PCSK9: variants seen among roughly 807,000 people sequenced by gnomAD.
PCSK9 encodes the protein convertase subtilisin/kexin type 9 preproprotein.
PCSK9 carries 57 observed loss-of-function variants against 62.1 expected under a neutral mutation model. The observed-to-expected ratio is 0.92, with a 90% CI of 0.74 to 1.14. The LOEUF (loss-of-function observed/expected upper bound fraction) is 1.14, where lower values mean the gene tolerates loss of function less well. PCSK9 is among the 50% of genes most tolerant of loss of function. The pLI is 0.00. For synonymous variants in PCSK9, 387 were observed against 409.4 expected (o/e 0.95, Z 0.66); for missense variants, 870 against 959.8 (o/e 0.91, Z 1.24).
chr1:55,056,226 GGGGCGGA>G (rs201349983), intron 6 of PCSK9, 37 bp downstream of exon 6: 448,511 of 605,874 alleles, frequency 0.74, 197,978 homozygotes, highest in Admixed American at 0.84. Flanking sequence ...GCGCGGGTAG[GGGGCGGA>G]GGGCGGAGGG....
At chr1:55,053,562 C>T (rs1052509874) in intron 5 of PCSK9, among the ~76,000 whole-genome samples, 4 of 152,150 alleles carry the variant, frequency 2.6e-5, no homozygotes, top group African/African-American at 4.8e-5. Flanking sequence ...AGCTTGACTT[C>T]CACTGTAAGC....
chr1:55,061,466 C>T lies in PCSK9; in HGVS notation c.1773C>T (p.His591=). The part of the protein sequence containing the change: ...PRGQPNQCVG[H]REASIHASCC... ...GTCAGCCCAACCAGTGCGTGGGCCA[C>T]AGGGAGGCCAGCATCCACGCTTCCT... Residue 591 remains histidine, a synonymous_variant, in exon 11 of 12, where the codon CAC becomes CAT. Coordinates refer to ENST00000302118, the MANE Select transcript of PCSK9 (RefSeq NM_174936.4). 6.2e-7 allele frequency: 1 copy of T among 1,607,310 alleles called. No individual in the cohort carries two copies. Among genetic ancestry groups the T allele is most frequent in the Non-Finnish European group, 8.5e-7 (1 of 1,177,646 alleles).
In PCSK9 at chr1:55,046,609, C is replaced by G. The variant is rs886038747; in HGVS notation, c.486C>G (p.Thr162=). 1.2e-6 allele frequency: 2 copies of G among 1,614,126 alleles called. No individual in the cohort carries two copies. Among genetic ancestry groups the G allele is most frequent in the Non-Finnish European group, 1.7e-6 (2 of 1,180,016 alleles). Residue 162 remains threonine, a synonymous_variant, in exon 3 of 12, where the codon ACC becomes ACG. Coordinates refer to ENST00000302118, the MANE Select transcript of PCSK9 (RefSeq NM_174936.4). ...TCCCGTGGAACCTGGAGCGGATTAC[C>G]CCTCCACGGTACCGGGCGGATGAAT... The part of the protein sequence containing the change: ...QSIPWNLERI[T]PPRYRADEYQ...
chr1:55,046,469 T>C, intron 2 of PCSK9, 54 bp from the exon 3 acceptor site: 1 of 1,613,978 alleles, frequency 6.2e-7, no homozygotes, highest in South Asian at 1.1e-5. Flanking sequence ...TGGCTGTGTT[T>C]GCTGCTGTCC....
intron 3 of PCSK9, among the ~76,000 whole-genome samples, chr1:55,050,221 G>T (rs946974954): frequency 3.3e-5 from 5 of 152,238 alleles, no homozygotes; most frequent in African/African-American, 1.2e-4. Flanking sequence ...CCAGCCCGGG[G>T]CCTCTGCTAG....
chr1:55,051,046 A>C (rs1458939975), intron 3 of PCSK9: 4 of 422,780 alleles, frequency 9.5e-6, no homozygotes, highest in Non-Finnish European at 1.9e-5. Context: ...CAGCCACCAG[A>C]AGCCGGAAGA....
chr1:55,052,735 G>A lies in PCSK9; in HGVS notation c.743G>A (p.Arg248His), dbSNP rs749573024. The change falls in exon 5 of 12, where the codon CGC (arginine) becomes CAC (histidine). Residue 248 changes from arginine (R) to histidine (H), a missense_variant. Coordinates refer to ENST00000302118, the MANE Select transcript of PCSK9 (RefSeq NM_174936.4). ...GGCGTGGCCAAGGGTGCCAGCATGC[G>A]CAGCCTGCGCGTGCTCAACTGCCAA... The part of the protein sequence containing the change: ...DAGVAKGASM[R>H]SLRVLNCQGK... 2.4e-5 allele frequency: 39 copies of A among 1,613,054 alleles called. 1 individual carries two copies. Among genetic ancestry groups the A allele is most frequent in the Middle Eastern group, 3.3e-4 (2 of 6,084 alleles).
intron 3 of PCSK9, 107 bp downstream of exon 3, chr1:55,046,753 G>A: frequency 5.2e-6 from 7 of 1,359,122 alleles, no homozygotes; most frequent in Non-Finnish European, 7.2e-6. Flanking sequence ...GGGGGCTTTG[G>A]GACTCAGCAC....
rs1405615512 is a variant in PCSK9, at chr1:55,059,639, C to G, written c.1657C>G (p.His553Asp). Residue 553 changes from histidine to aspartate, a missense_variant, in exon 10 of 12, where the codon CAC (histidine) becomes GAC (aspartate). Coordinates refer to ENST00000302118, the MANE Select transcript of PCSK9 (RefSeq NM_174936.4). ...EASMGTRVHC[H>D]QQGHVLTGCS... is the part of the protein sequence containing the mutation. ...CAGCATGGGGACCCGTGTCCACTGC[C>G]ACCAACAGGGCCACGTCCTCACAGG... 2 of 1,551,354 alleles carry G rather than the reference C, an allele frequency of 1.3e-6. No individual in the cohort carries two copies. The highest frequency in any genetic ancestry group is 1.7e-6 in the Non-Finnish European group (2 of 1,147,206).
chr1:55,050,118 G>A (rs146826106), intron 3 of PCSK9, among the ~76,000 whole-genome samples: 4 of 152,302 alleles, frequency 2.6e-5, no homozygotes, highest in Middle Eastern at 3.4e-3. Flanking sequence ...TGTATTCCCC[G>A]GGCTGTCTGC....
chr1:55,059,392 T>G, intron 9 of PCSK9, 94 bp from the exon 10 acceptor site: 1 of 1,473,160 alleles, frequency 6.8e-7, no homozygotes. Context: ...GCAGGGACAC[T>G]GATGAGGGTG....
In PCSK9 at chr1:55,039,785, G is replaced by A. The variant is rs1049242870; in HGVS notation, c.-53G>A. The A allele has an allele frequency of 4.5e-6, 7 of 1,559,706 alleles. No homozygotes were observed. The African/African-American group carries it at 8.1e-5, about 18-fold the overall frequency. On this transcript the variant is annotated 5_prime_UTR_variant, in exon 1 of 12. Coordinates refer to ENST00000302118, the MANE Select transcript of PCSK9 (RefSeq NM_174936.4). Reference sequence around the variant, plus strand: ...GCTCAAGGCGCCGCCGGCGTGGACCGCGCACGGCCTCTAGGTCTCCTCGCC... The same window carrying A: ...GCTCAAGGCGCCGCCGGCGTGGACCACGCACGGCCTCTAGGTCTCCTCGCC...
rs766081343 is a variant in PCSK9, at chr1:55,063,382, G to A, written c.1877G>A (p.Cys626Tyr). 1.9e-6 allele frequency: 3 copies of A among 1,613,704 alleles called. No individual in the cohort carries two copies. The highest frequency in any genetic ancestry group is 2.5e-6 in the Non-Finnish European group (3 of 1,179,898). The change falls in exon 12 of 12, where the codon TGC becomes TAC. Residue 626 changes from cysteine (C) to tyrosine (Y), a missense_variant. By Grantham distance (194) the Cys-to-Tyr change is radical. Transcript: ENST00000302118. ...PAPQEQVTVA[C>Y]EEGWTLTGCS... ...GGGCTCTGGCAGGTGACCGTGGCCT[G>A]CGAGGAGGGCTGGACCCTGACTGGC...
rs1402976174 is a variant in PCSK9, at chr1:55,040,785, G to A, written c.207+741G>A. ...GTGGTGCGCCTGGTACTGGGACCCC[G>A]GAGCTGAGCCCGGCGCCTCAGCCCA... is the stretch of plus-strand genomic sequence containing the variant. On this transcript the variant is annotated intron_variant, in intron 1 of 11. Transcript: ENST00000302118. This position sits in a 1 kb window ranked among gnomAD's most constrained non-coding sequence, Gnocchi z 4.1. Among the ~76,000 whole-genome samples the A allele has an allele frequency of 2.6e-5, 4 of 152,224 alleles. No individual in the cohort carries two copies. The highest frequency in any genetic ancestry group is 4.4e-5 in the Non-Finnish European group (3 of 68,042).
At chr1:55,062,113 T>C (rs1290174431) in intron 11 of PCSK9, among the ~76,000 whole-genome samples, 1 of 152,232 alleles carries the variant, frequency 6.6e-6, no homozygotes, top group Non-Finnish European at 1.5e-5. Context: ...CTGAAGGTTG[T>C]TAGCATGACC....
intron 3 of PCSK9, among the ~76,000 whole-genome samples, chr1:55,048,180 C>G (rs1644647592): frequency 6.6e-6 from 1 of 152,150 alleles, no homozygotes; most frequent in Admixed American, 6.5e-5. Flanking sequence ...TCTTCCGTGT[C>G]CCAACAGCGG....
rs1453831826 is a variant in PCSK9, at chr1:55,061,472, G to A, written c.1779G>A (p.Glu593=). 3.1e-6 allele frequency: 5 copies of A among 1,607,154 alleles called. No individual in the cohort carries two copies. Among genetic ancestry groups the A allele is most frequent in the Non-Finnish European group, 4.2e-6 (5 of 1,177,578 alleles). ...CCAACCAGTGCGTGGGCCACAGGGA[G>A]GCCAGCATCCACGCTTCCTGCTGCC... ...GQPNQCVGHR[E]ASIHASCCHA... Residue 593 remains glutamate, a synonymous_variant, in exon 11 of 12, where the codon GAG becomes GAA. Coordinates refer to ENST00000302118, the MANE Select transcript of PCSK9 (RefSeq NM_174936.4).
chr1:55,044,601 AC>A (rs58667756), intron 2 of PCSK9, among the ~76,000 whole-genome samples: 13,136 of 152,158 alleles, frequency 0.086, 801 homozygotes, highest in African/African-American at 0.17. Flanking sequence ...TCTTAAAAAA[AC>A]GTTTTTATTT....
At chr1:55,052,876 G>A in intron 5 of PCSK9, 85 bp downstream of exon 5, 3 of 1,591,846 alleles carry the variant, frequency 1.9e-6, no homozygotes, top group Non-Finnish European at 2.6e-6. Context: ...GAGAGCTAAT[G>A]TCTCCTAACC....
Sources: allele counts gnomAD v4.1 joint callset (sites outside exome capture counted in the v4.1 genomes callset), GRCh38; gene constraint gnomAD v4.1.1; non-coding constraint Gnocchi (gnomAD v3.1); transcripts MANE v1.5; gene names NCBI Gene and HGNC (gene_info 2026-07-23, HGNC 2026-07-21).